Variants in ROBO2 observed in about 807,000 individuals in gnomAD.
The protein encoded by ROBO2 is roundabout homolog 2.
ROBO2 carries 53 observed loss-of-function variants against 160.8 expected under a neutral mutation model. That is an observed-to-expected ratio of 0.33 (90% CI 0.26 to 0.41). The LOEUF (loss-of-function observed/expected upper bound fraction) is 0.41. Among genes scored for constraint, ROBO2 ranks in the 10% least tolerant of loss-of-function variants. The pLI, the probability that ROBO2 is intolerant of heterozygous loss-of-function variation, is 1.00. For missense variants in ROBO2, 1,577 were observed against 1,722.4 expected, an observed-to-expected ratio of 0.92 and a Z score of 1.49; for synonymous variants, 664 against 611.7, an observed-to-expected ratio of 1.09 and a Z score of -1.26.
chr3:76,882,543 A>G (rs1163072958), intron 2 of ROBO2, among the ~76,000 whole-genome samples: 9 of 151,988 alleles, frequency 5.9e-5, no homozygotes, highest in Admixed American at 5.9e-4. Flanking sequence ...TGAAAACAGC[A>G]TTAGTGTTTT....
chr3:76,161,087 A>G (rs1352829665), intron 2 of ROBO2, among the ~76,000 whole-genome samples: 3 of 152,052 alleles, frequency 2.0e-5, no homozygotes, highest in African/African-American at 4.8e-5. Flanking sequence ...AGTTGCTTCG[A>G]TGCCATATCT....
intron 2 of ROBO2, among the ~76,000 whole-genome samples, chr3:76,236,857 A>G (rs1335140276): frequency 6.6e-6 from 1 of 152,066 alleles, no homozygotes; most frequent in East Asian, 1.9e-4. Context: ...GAAAAATATA[A>G]CCCTAAGGTA....
chr3:76,397,644 C>A (rs1236249832), intron 2 of ROBO2, among the ~76,000 whole-genome samples: 2 of 151,662 alleles, frequency 1.3e-5, no homozygotes, highest in Non-Finnish European at 2.9e-5. Flanking sequence ...AACAAACAAC[C>A]CCATCAAAAA....
chr3:76,268,300 G>C (rs1343461505), intron 2 of ROBO2, among the ~76,000 whole-genome samples: 1 of 152,014 alleles, frequency 6.6e-6, no homozygotes, highest in Admixed American at 6.6e-5. Context: ...GAGAGGAGAG[G>C]GGATGCTATA....
chr3:76,915,027 CTTTAAAATACCAATTTGTAG>C (rs898363675), intron 2 of ROBO2, among the ~76,000 whole-genome samples: 4 of 152,200 alleles, frequency 2.6e-5, no homozygotes, highest in Admixed American at 6.5e-5. Flanking sequence ...CTCTACCCCT[CTTTAAAATACCAATTTGTAG>C]TTTAAAATAC....
chr3:76,238,770 A>G (rs1576039341), intron 2 of ROBO2, among the ~76,000 whole-genome samples: 1 of 152,038 alleles, frequency 6.6e-6, no homozygotes. Flanking sequence ...CCATGATCTA[A>G]TCAACTCCCC....
At chr3:76,893,311 A>AACAC (rs112654771) in intron 2 of ROBO2, among the ~76,000 whole-genome samples, 47,129 of 149,148 alleles carry the variant, frequency 0.32, 7,742 homozygotes, top group Non-Finnish European at 0.36. Flanking sequence ...TTTTCAAGTG[A>AACAC]ACACACACAC....
intron 2 of ROBO2, among the ~76,000 whole-genome samples, chr3:77,357,215 A>G (rs1560611625): frequency 6.6e-6 from 1 of 152,152 alleles, no homozygotes; most frequent in South Asian, 2.1e-4. Flanking sequence ...CCCCAATGCA[A>G]CAGTGTTGAG....
intron 2 of ROBO2, among the ~76,000 whole-genome samples, chr3:76,069,100 T>C (rs2068358524): frequency 6.6e-6 from 1 of 152,176 alleles, no homozygotes; most frequent in Non-Finnish European, 1.5e-5. Flanking sequence ...TACTGCCAAT[T>C]TTCAAGTTTT....
chr3:76,295,814 T>C (rs566489357), intron 2 of ROBO2, among the ~76,000 whole-genome samples: 212 of 152,294 alleles, frequency 1.4e-3, no homozygotes, highest in African/African-American at 4.8e-3. Flanking sequence ...TTACCTCATT[T>C]AAAAAATCAG....
intron 2 of ROBO2, among the ~76,000 whole-genome samples, chr3:75,979,315 A>G (rs2065216023): frequency 6.6e-6 from 1 of 151,478 alleles, no homozygotes; most frequent in African/African-American, 2.4e-5. Flanking sequence ...ACACACATAT[A>G]TAGAGAGAGA....
intron 1 of ROBO2, among the ~76,000 whole-genome samples, chr3:75,907,953 C>A (rs1478749103): frequency 6.6e-6 from 1 of 151,594 alleles, no homozygotes; most frequent in African/African-American, 2.4e-5. Context: ...TTACTAATAG[C>A]ACTAATTTGT....
intron 2 of ROBO2, among the ~76,000 whole-genome samples, chr3:77,179,785 A>G (rs2080524596): frequency 6.6e-6 from 1 of 152,154 alleles, no homozygotes; most frequent in African/African-American, 2.4e-5. Context: ...TTATGGAGGA[A>G]TTACATGTGA....
At chr3:76,351,880 T>G (rs2074898113) in intron 2 of ROBO2, among the ~76,000 whole-genome samples, 2 of 151,992 alleles carry the variant, frequency 1.3e-5, no homozygotes, top group Admixed American at 6.6e-5. Flanking sequence ...CCCTATAGTA[T>G]TGTTGTGAAG....
At chr3:76,703,348 A>G (rs1410932653) in intron 2 of ROBO2, among the ~76,000 whole-genome samples, 3 of 152,048 alleles carry the variant, frequency 2.0e-5, no homozygotes, top group Admixed American at 2.0e-4. Flanking sequence ...TTTACTTAGT[A>G]CCCTGTCATT....
intron 6 of ROBO2, among the ~76,000 whole-genome samples, chr3:77,545,635 G>A (rs1328240202): frequency 6.6e-6 from 1 of 152,020 alleles, no homozygotes; most frequent in Non-Finnish European, 1.5e-5. Context: ...ATGGCTTCAG[G>A]ATAAAAGCTT....
chr3:76,081,187 A>T (rs1375117311), intron 2 of ROBO2, among the ~76,000 whole-genome samples: 2 of 151,868 alleles, frequency 1.3e-5, no homozygotes, highest in Non-Finnish European at 2.9e-5. Context: ...ATTCTATTCC[A>T]TGTACAAACT....
rs149127769 is a variant in ROBO2 at position 77,188,729 on chromosome 3, C to T, written c.388+90389C>T. On this transcript the variant is annotated intron_variant, in intron 2 of 25. Transcript: ENST00000461745. ...ACATCTCTCTACATTCTGTGTTCAC[C>T]AAAAATTTAAAAATCACTAGTCCTG... is the stretch of plus-strand genomic sequence containing the variant. Among the ~76,000 whole-genome samples, 284 of 151,728 alleles carry T rather than the reference C, an allele frequency of 1.9e-3. 2 individuals are homozygous for T. Among genetic ancestry groups the T allele is most frequent in the African/African-American group, 6.8e-3 (280 of 41,438 alleles).
chr3:76,041,463 A>C (rs2067270688), intron 2 of ROBO2, among the ~76,000 whole-genome samples: 3 of 152,016 alleles, frequency 2.0e-5, no homozygotes, highest in Non-Finnish European at 4.4e-5. Flanking sequence ...CTAATCACAG[A>C]ACTCTGCCCT....
Sources: gnomAD v4.1 joint callset for allele counts (sites outside exome capture counted in the v4.1 genomes callset) on GRCh38, gnomAD v4.1.1 for gene constraint, MANE v1.5 for transcripts, NCBI Gene and HGNC (gene_info 2026-07-23, HGNC 2026-07-21) for gene names.